Variants in TMEM132C observed in about 807,000 individuals in gnomAD.
The protein encoded by TMEM132C is transmembrane protein 132C.
Under a neutral mutation model 61.4 loss-of-function variants are expected in TMEM132C, and 29 were observed. The observed-to-expected ratio is 0.47, with a 90% confidence interval of 0.35 to 0.64. TMEM132C has a LOEUF of 0.64. Among genes scored for constraint, TMEM132C ranks in the 30% least tolerant of loss-of-function variants. The probability of loss-of-function intolerance (pLI) is 0.00; values close to 1 mark genes in which losing one functional copy is unlikely to be tolerated. For synonymous variants in TMEM132C, 656 were observed against 633.1 expected (o/e 1.04, Z -0.54); for missense variants, 1,408 against 1,476.9 (o/e 0.95, Z 0.76).
chr12:128,420,321 A>G (rs918934178), intron 2 of TMEM132C, among the ~76,000 whole-genome samples: 2 of 152,244 alleles, frequency 1.3e-5, no homozygotes, highest in African/African-American at 4.8e-5. Context: ...CAGTCAAGGC[A>G]GGCTTTGTTG....
chr12:128,274,652 C>T (rs754808604), intron 1 of TMEM132C, among the ~76,000 whole-genome samples: 7 of 152,246 alleles, frequency 4.6e-5, no homozygotes, highest in Non-Finnish European at 7.3e-5. Context: ...TTTAGGGTAC[C>T]GCAGTTGGAA....
At chr12:128,600,136 CTG>C (rs1876123398) in intron 3 of TMEM132C, among the ~76,000 whole-genome samples, 1 of 152,188 alleles carries the variant, frequency 6.6e-6, no homozygotes, top group Non-Finnish European at 1.5e-5. Flanking sequence ...ACGCCCGCCA[CTG>C]CGCCCGGCTA....
chr12:128,591,842 A>G (rs1422907210), intron 3 of TMEM132C, among the ~76,000 whole-genome samples: 2 of 152,110 alleles, frequency 1.3e-5, no homozygotes, highest in East Asian at 3.9e-4. Flanking sequence ...ACTTGAGGTC[A>G]GAAGTTCAAG....
chr12:128,385,739 GTA>G (rs1478705774), intron 1 of TMEM132C, among the ~76,000 whole-genome samples: 1 of 152,176 alleles, frequency 6.6e-6, no homozygotes. Context: ...TTCAATTTGG[GTA>G]TAAGTCCTTA....
intron 1 of TMEM132C, among the ~76,000 whole-genome samples, chr12:128,368,154 G>C (rs1314593360): frequency 2.0e-5 from 3 of 152,212 alleles, no homozygotes; most frequent in African/African-American, 7.2e-5. Flanking sequence ...CTTGGCAAAT[G>C]GACATGGGGC....
intron 4 of TMEM132C, among the ~76,000 whole-genome samples, chr12:128,655,813 G>T (rs1372146620): frequency 6.6e-6 from 1 of 152,054 alleles, no homozygotes; most frequent in African/African-American, 2.4e-5. Context: ...GGAATTTGTT[G>T]TAACGCATTC....
rs201486870 is a variant in TMEM132C, at chr12:128,362,114, C to CT, written c.86-52616dup. Among the ~76,000 whole-genome samples, 924 of 152,256 alleles carry CT rather than the reference C, an allele frequency of 6.1e-3. 7 individuals carry two copies. The highest frequency in any genetic ancestry group is 0.021 in the African/African-American group (891 of 41,542). ...GCTGTCCCCAGTCAGACTCCACTTT[C>CT]TTACTTGTGAAATGACCAGGTTGGT... On this transcript the variant is annotated intron_variant, in intron 1 of 8. Coordinates refer to ENST00000435159, the MANE Select transcript of TMEM132C (RefSeq NM_001136103.3).
rs36054458 is a variant in TMEM132C at position 128,582,414 on chromosome 12, C to CTTT, written c.1122-33722_1122-33720dup. ...GGAGTATACATTGATATAGATGCTG[C>CTTT]TTTTTTTTTTTTTTTTTTGAGACAG... On this transcript the variant is annotated intron_variant, in intron 3 of 8. Transcript: ENST00000435159. Among the ~76,000 whole-genome samples, 452 of 132,490 alleles carry CTTT rather than the reference C, an allele frequency of 3.4e-3. 4 individuals carry two copies. The South Asian group carries it at 0.034, about 10-fold the overall frequency. 86.9% of individuals were successfully genotyped at this position (132,490 alleles called of 152,430 possible). A position where few individuals can be genotyped will look rare whatever the true frequency, so the allele number is the denominator to read the frequency against.
At chr12:128,276,957 T>TA (rs1400283718) in intron 1 of TMEM132C, among the ~76,000 whole-genome samples, 1 of 151,934 alleles carries the variant, frequency 6.6e-6, no homozygotes, top group Non-Finnish European at 1.5e-5. Context: ...AGTTACAGCT[T>TA]AGTGATGATT....
chr12:128,333,524 T>G (rs1238765011), intron 1 of TMEM132C, among the ~76,000 whole-genome samples: 1 of 151,936 alleles, frequency 6.6e-6, no homozygotes, highest in Non-Finnish European at 1.5e-5. Context: ...GAGGGCTTTG[T>G]GTTTATGTTT....
At chr12:128,582,653 T>C (rs1290662441) in intron 3 of TMEM132C, among the ~76,000 whole-genome samples, 2 of 152,160 alleles carry the variant, frequency 1.3e-5, no homozygotes, top group African/African-American at 2.4e-5. Context: ...TGTTGCATCT[T>C]CCTCATTTTC....
chr12:128,372,486 C>T (rs913005176), intron 1 of TMEM132C, among the ~76,000 whole-genome samples: 6 of 152,118 alleles, frequency 3.9e-5, no homozygotes, highest in African/African-American at 1.4e-4. Context: ...GCTACGTTTT[C>T]CAGTGACAAA....
chr12:128,649,544 G>A (rs1954246221), intron 4 of TMEM132C, among the ~76,000 whole-genome samples: 1 of 152,310 alleles, frequency 6.6e-6, no homozygotes, highest in East Asian at 1.9e-4. Flanking sequence ...AATACTGCTG[G>A]AGCAGGCTCT....
In TMEM132C at chr12:128,515,371, C is replaced by T. The variant is rs144569914; in HGVS notation, c.975-28586C>T. ...TTTCTGTGAGCATGAGTACTCTAGC[C>T]GAGGTGCAAAAGCCAGTGAGGATGG... On this transcript the variant is annotated intron_variant, in intron 2 of 8. Transcript: ENST00000435159. Among the ~76,000 whole-genome samples, 206 of 152,242 alleles carry T rather than the reference C, an allele frequency of 1.4e-3. 1 individual carries two copies. Among genetic ancestry groups the T allele is most frequent in the Middle Eastern group, 6.8e-3 (2 of 294 alleles).
At chr12:128,540,996 T>C (rs1332467163) in intron 2 of TMEM132C, among the ~76,000 whole-genome samples, 1 of 137,556 alleles carries the variant, frequency 7.3e-6, no homozygotes, top group African/African-American at 2.5e-5. Flanking sequence ...TGTATGTCTC[T>C]GTCTGTCTGT....
intron 2 of TMEM132C, among the ~76,000 whole-genome samples, chr12:128,429,243 AT>A (rs1869302487): frequency 1.3e-5 from 2 of 152,192 alleles, no homozygotes; most frequent in African/African-American, 4.8e-5. Context: ...GTAAACAGAG[AT>A]TAGAGATAGT....
intron 3 of TMEM132C, among the ~76,000 whole-genome samples, chr12:128,545,419 G>T (rs1401815922): frequency 2.0e-5 from 3 of 152,238 alleles, no homozygotes; most frequent in South Asian, 2.1e-4. Context: ...GTGCTGCAAT[G>T]AACACATGAG....
chr12:128,431,179 G>A (rs1869373312), intron 2 of TMEM132C, among the ~76,000 whole-genome samples: 1 of 152,226 alleles, frequency 6.6e-6, no homozygotes, highest in African/African-American at 2.4e-5. Flanking sequence ...CCCTCTGGCT[G>A]ATATGGAGAA....
chr12:128,468,449 C>G (rs1380447597), intron 2 of TMEM132C, among the ~76,000 whole-genome samples: 2 of 152,158 alleles, frequency 1.3e-5, no homozygotes, highest in African/African-American at 4.8e-5. Context: ...TCCCAAGTAG[C>G]TGGGATTATA....
Sources: allele counts gnomAD v4.1 joint callset (sites outside exome capture counted in the v4.1 genomes callset), GRCh38; gene constraint gnomAD v4.1.1; transcripts MANE v1.5; gene names NCBI Gene and HGNC (gene_info 2026-07-23, HGNC 2026-07-21).